The following SCAF8 variants were observed in gnomAD, a reference collection of about 807,000 sequenced individuals.
The protein encoded by SCAF8 is SR-related and CTD-associated factor 8.
A neutral mutation model predicts 140.5 loss-of-function variants in SCAF8; 23 were observed. That is an observed-to-expected ratio of 0.16 (90% CI 0.12 to 0.23). The LOEUF (loss-of-function observed/expected upper bound fraction) is 0.23, where lower values mean the gene tolerates loss of function less well. Among genes scored for constraint, SCAF8 ranks in the 10% least tolerant of loss-of-function variants. SCAF8 has a pLI of 1.00. For synonymous variants in SCAF8, 575 were observed against 528.9 expected, an observed-to-expected ratio of 1.09 and a Z score of -1.20; for missense variants, 1,397 against 1,555.7, an observed-to-expected ratio of 0.90 and a Z score of 1.72.
chr6:154,799,701 T>G (rs1244421332), intron 6 of SCAF8, among the ~76,000 whole-genome samples: 1 of 151,390 alleles, frequency 6.6e-6, no homozygotes, highest in Non-Finnish European at 1.5e-5. Context: ...GAAAACCCAC[T>G]TCCCTCATAT....
chr6:154,827,248 T>G lies in SCAF8; in HGVS notation c.2140+8T>G, dbSNP rs1778593052. On this transcript the variant is annotated splice_region_variant and intron_variant, in intron 18 of 19. Transcript: ENST00000367178. ...CACCAGTAGTACCAACATGTAAGTT[T>G]TCTACTTTTAGAGTTTTCTTTATTC... 6.3e-7 allele frequency: 1 copy of G among 1,590,028 alleles called. No individual in the cohort carries two copies. Among genetic ancestry groups the G allele is most frequent in the East Asian group, 2.3e-5 (1 of 43,984 alleles).
chr6:154,739,574 A>G (rs567163128), intron 1 of SCAF8, among the ~76,000 whole-genome samples: 8 of 152,238 alleles, frequency 5.3e-5, no homozygotes, highest in African/African-American at 1.9e-4. Context: ...TAATTTCTGG[A>G]TTTACCTTAG....
intron 1 of SCAF8, among the ~76,000 whole-genome samples, chr6:154,743,944 GA>G (rs1186401983): frequency 6.6e-6 from 1 of 152,062 alleles, no homozygotes; most frequent in Non-Finnish European, 1.5e-5. Flanking sequence ...TCACTATGAT[GA>G]AAAAAATCTC....
chr6:154,745,681 G>A (rs1369994371), intron 1 of SCAF8, among the ~76,000 whole-genome samples: 1 of 152,102 alleles, frequency 6.6e-6, no homozygotes, highest in Non-Finnish European at 1.5e-5. Context: ...GAGATACTTT[G>A]ATGCAAATAC....
intron 17 of SCAF8, among the ~76,000 whole-genome samples, chr6:154,826,370 A>T (rs778224491): frequency 2.8e-4 from 42 of 152,224 alleles, no homozygotes; most frequent in Non-Finnish European, 4.7e-4. Context: ...TAAAATGTAC[A>T]AAAGGTATAT....
At chr6:154,795,213 C>T in intron 6 of SCAF8, 74 bp downstream of exon 6, 1 of 1,260,068 alleles carries the variant, frequency 7.9e-7, no homozygotes, top group African/African-American at 1.6e-5. Flanking sequence ...TTGTAACATA[C>T]CACCTAGAGA....
At chr6:154,793,030 G>T (rs1777469960) in intron 5 of SCAF8, 54 bp downstream of exon 5, 2 of 1,390,384 alleles carry the variant, frequency 1.4e-6, no homozygotes, top group Non-Finnish European at 1.9e-6. Context: ...ATACTTTTTG[G>T]ATGACTGTTC....
intron 1 of SCAF8, among the ~76,000 whole-genome samples, chr6:154,735,314 C>T (rs909247681): frequency 1.1e-4 from 16 of 151,956 alleles, no homozygotes; most frequent in Middle Eastern, 6.8e-3. Flanking sequence ...TTTTAAATGC[C>T]GTTGCATAGT....
chr6:154,796,794 G>A (rs1355122051), intron 6 of SCAF8, among the ~76,000 whole-genome samples: 1 of 152,036 alleles, frequency 6.6e-6, no homozygotes, highest in African/African-American at 2.4e-5. Flanking sequence ...CCAACGTGGT[G>A]AAACCTGTCT....
At chr6:154,830,420 G>A (rs1778696551) in intron 18 of SCAF8, among the ~76,000 whole-genome samples, 1 of 152,128 alleles carries the variant, frequency 6.6e-6, no homozygotes, top group Admixed American at 6.5e-5. Flanking sequence ...TCTTTAAGAT[G>A]GAAAGTTTAT....
intron 1 of SCAF8, among the ~76,000 whole-genome samples, chr6:154,768,154 C>A (rs1776636007): frequency 1.3e-5 from 2 of 152,052 alleles, no homozygotes; most frequent in Non-Finnish European, 2.9e-5. Flanking sequence ...TGACAGTGGT[C>A]CTTATAGGCC....
chr6:154,763,820 A>G (rs1042402003), intron 1 of SCAF8, among the ~76,000 whole-genome samples: 1 of 152,134 alleles, frequency 6.6e-6, no homozygotes, highest in African/African-American at 2.4e-5. Flanking sequence ...TTTGTAAGTA[A>G]GTTCTGTTGG....
chr6:154,813,205 T>TCAAAA (rs982258202), intron 12 of SCAF8, among the ~76,000 whole-genome samples: 77 of 151,842 alleles, frequency 5.1e-4, no homozygotes, highest in African/African-American at 1.7e-3. Context: ...AGACCCTATA[T>TCAAAA]CAAAACAAAA....
rs533796857 is a variant in SCAF8, at chr6:154,833,587, G to A, written c.*192G>A. 2 of 457,260 alleles carry A rather than the reference G, an allele frequency of 4.4e-6. No individual in the cohort carries two copies. Among genetic ancestry groups the A allele is most frequent in the African/African-American group, 2.0e-5 (1 of 49,426 alleles). The allele number at this position is 457,260 out of a possible 1,614,324, so 28.3% of individuals were successfully genotyped here. A position where few individuals can be genotyped will look rare whatever the true frequency, so the allele number is the denominator to read the frequency against. On this transcript the variant is annotated 3_prime_UTR_variant, in exon 20 of 20. Coordinates refer to ENST00000367178, the MANE Select transcript of SCAF8 (RefSeq NM_014892.5). ...CATTGTTCTTAATATGAACATGGTA[G>A]GTAAACTTTTTTTTTATTTTTTTCT...
intron 3 of SCAF8, among the ~76,000 whole-genome samples, chr6:154,782,098 A>C (rs533572124): frequency 6.6e-6 from 1 of 152,194 alleles, no homozygotes; most frequent in African/African-American, 2.4e-5. Flanking sequence ...AAATCAGTTC[A>C]TATGCTGATT....
At chr6:154,756,889 A>G (rs979577154) in intron 1 of SCAF8, among the ~76,000 whole-genome samples, 1 of 152,002 alleles carries the variant, frequency 6.6e-6, no homozygotes, top group Non-Finnish European at 1.5e-5. Flanking sequence ...TTAGCTGGAC[A>G]TGTTGGTGCA....
At chr6:154,749,588 A>C (rs144197309) in intron 1 of SCAF8, among the ~76,000 whole-genome samples, 1 of 152,340 alleles carries the variant, frequency 6.6e-6, no homozygotes, top group East Asian at 1.9e-4. Context: ...GTTTGTGTAC[A>C]CTGTGATGTA....
chr6:154,762,535 A>C (rs1259922691), intron 1 of SCAF8, among the ~76,000 whole-genome samples: 2 of 152,138 alleles, frequency 1.3e-5, no homozygotes, highest in Non-Finnish European at 2.9e-5. Context: ...CCCATACTGA[A>C]GGATGGGGTC....
intron 1 of SCAF8, among the ~76,000 whole-genome samples, chr6:154,744,971 C>T (rs1180954893): frequency 2.6e-5 from 4 of 152,138 alleles, no homozygotes; most frequent in Admixed American, 6.5e-5. Flanking sequence ...TAAAAACAAG[C>T]GCATTTTATT....
Sources: allele counts gnomAD v4.1 joint callset (sites outside exome capture counted in the v4.1 genomes callset), GRCh38; gene constraint gnomAD v4.1.1; transcripts MANE v1.5; gene names NCBI Gene and HGNC (gene_info 2026-07-23, HGNC 2026-07-21).